PCCA: variants seen among roughly 807,000 people sequenced by gnomAD.
The protein encoded by PCCA is propionyl-CoA carboxylase subunit alpha.
In PCCA, 74 loss-of-function variants were observed where a neutral mutation model predicts 101.3. The ratio of observed to expected loss-of-function variants is 0.73; its 90% confidence interval spans 0.61 to 0.89. The LOEUF (loss-of-function observed/expected upper bound fraction) is 0.89, where lower values mean the gene tolerates loss of function less well. PCCA is among the 40% of genes least tolerant of loss of function. The probability of loss-of-function intolerance (pLI) is 0.00; values close to 1 mark genes in which losing one functional copy is unlikely to be tolerated. For missense variants in PCCA, 891 were observed against 907.0 expected, an observed-to-expected ratio of 0.98 and a Z score of 0.23; for synonymous variants, 294 against 313.6, an observed-to-expected ratio of 0.94 and a Z score of 0.66.
Position 100,278,843 on chromosome 13 carries a change from T to C in PCCA, c.1065+5497T>C, listed in dbSNP as rs560285395. ...CAAGACTATCTAAGTACCTATGTTT[T>C]GTGTATTGGATAGCTTGCTAGGAAA... On this transcript the variant is annotated intron_variant, in intron 12 of 23. Transcript: ENST00000376285. Among the ~76,000 whole-genome samples, 22 of 152,290 alleles carry C rather than the reference T, an allele frequency of 1.4e-4. No homozygotes were observed. In the East Asian group the frequency reaches 4.1e-3, roughly 28 times the overall value.
chr13:100,279,402 AT>A (rs1283728231), intron 12 of PCCA, among the ~76,000 whole-genome samples: 1 of 152,172 alleles, frequency 6.6e-6, no homozygotes, highest in Non-Finnish European at 1.5e-5. Flanking sequence ...TGAACAAAGA[AT>A]TTTGGACTTC....
chr13:100,278,322 T>A (rs1037403310), intron 12 of PCCA, among the ~76,000 whole-genome samples: 3 of 152,312 alleles, frequency 2.0e-5, no homozygotes, highest in African/African-American at 7.2e-5. Flanking sequence ...TGAGATTTTT[T>A]AATTGAGGTA....
At chr13:100,293,002 T>C (rs151242457) in intron 12 of PCCA, among the ~76,000 whole-genome samples, 1 of 151,468 alleles carries the variant, frequency 6.6e-6, no homozygotes, top group African/African-American at 2.4e-5. Flanking sequence ...GATGCTAGGT[T>C]TTTTTTTAGA....
intron 8 of PCCA, among the ~76,000 whole-genome samples, chr13:100,251,898 A>G (rs938496654): frequency 6.6e-6 from 1 of 152,172 alleles, no homozygotes; most frequent in African/African-American, 2.4e-5. Flanking sequence ...CTATCAAACA[A>G]CCACCCTGGG....
At chr13:100,153,572 A>T (rs1157501366) in intron 4 of PCCA, among the ~76,000 whole-genome samples, 2 of 152,178 alleles carry the variant, frequency 1.3e-5, no homozygotes, top group African/African-American at 4.8e-5. Flanking sequence ...ACAACAACAA[A>T]ATTGACAGTA....
At position 100,341,414 on chromosome 13, in the gene PCCA, C is replaced by A. The variant is rs118134728; in HGVS notation, c.1643+1155C>A. ...GCTTGTTGTTTGGTTGTTTCCCCCCCACATAGTTGTGCGGTCTAGTATGGG... is the reference window on the plus strand; with the variant it reads ...GCTTGTTGTTTGGTTGTTTCCCCCCAACATAGTTGTGCGGTCTAGTATGGG... On this transcript the variant is annotated intron_variant, in intron 18 of 23. Coordinates refer to ENST00000376285, the MANE Select transcript of PCCA (RefSeq NM_000282.4). 0.011 allele frequency among the ~76,000 whole-genome samples: 1,736 copies of A among 152,290 alleles called. 20 individuals are homozygous for A. Among genetic ancestry groups the A allele is most frequent in the Non-Finnish European group, 0.013 (915 of 68,018 alleles).
intron 7 of PCCA, among the ~76,000 whole-genome samples, chr13:100,228,161 G>T (rs1046323492): frequency 1.3e-5 from 2 of 152,002 alleles, no homozygotes; most frequent in African/African-American, 4.8e-5. Context: ...GATTAAAGGC[G>T]CATGCCACCA....
At chr13:100,370,808 A>G (rs1433682176) in intron 19 of PCCA, among the ~76,000 whole-genome samples, 1 of 152,154 alleles carries the variant, frequency 6.6e-6, no homozygotes, top group Non-Finnish European at 1.5e-5. Context: ...TTTTAGGGTC[A>G]TAGACGGGAG....
At chr13:100,111,440 C>T (rs997856567) in intron 2 of PCCA, among the ~76,000 whole-genome samples, 20 of 152,024 alleles carry the variant, frequency 1.3e-4, no homozygotes, top group African/African-American at 3.4e-4. Context: ...GGATTACAGG[C>T]GTGAGCCACT....
At chr13:100,452,780 T>C (rs2081426749) in intron 21 of PCCA, among the ~76,000 whole-genome samples, 1 of 152,234 alleles carries the variant, frequency 6.6e-6, no homozygotes, top group Non-Finnish European at 1.5e-5. Context: ...TCTGTTCTGC[T>C]CAGCGTGCTC....
chr13:100,357,861 G>A (rs1377432493), intron 18 of PCCA, among the ~76,000 whole-genome samples: 1 of 152,146 alleles, frequency 6.6e-6, no homozygotes, highest in Non-Finnish European at 1.5e-5. Flanking sequence ...GGCAGAAAGG[G>A]AGCAACAGAG....
At chr13:100,117,802 G>T (rs2152293430) in intron 4 of PCCA, among the ~76,000 whole-genome samples, 1 of 151,844 alleles carries the variant, frequency 6.6e-6, no homozygotes, top group Non-Finnish European at 1.5e-5. Flanking sequence ...GCATTAAAAA[G>T]AATCCCCTGG....
chr13:100,272,576 C>T (rs978846462), intron 11 of PCCA, among the ~76,000 whole-genome samples: 5 of 152,060 alleles, frequency 3.3e-5, no homozygotes, highest in Non-Finnish European at 7.3e-5. Context: ...CACACACACA[C>T]ACACAAATGC....
intron 4 of PCCA, among the ~76,000 whole-genome samples, chr13:100,128,855 A>G (rs1015345129): frequency 5.9e-5 from 9 of 152,170 alleles, no homozygotes; most frequent in African/African-American, 1.7e-4. Flanking sequence ...TGTCCCCTCT[A>G]CAGGAATCAC....
At chr13:100,503,959 T>C (rs1395712090) in intron 21 of PCCA, among the ~76,000 whole-genome samples, 1 of 152,212 alleles carries the variant, frequency 6.6e-6, no homozygotes, top group Non-Finnish European at 1.5e-5. Context: ...ATTTGTAGTA[T>C]ACATATATGT....
At chr13:100,250,125 G>A (rs991137928) in intron 8 of PCCA, among the ~76,000 whole-genome samples, 1 of 152,036 alleles carries the variant, frequency 6.6e-6, no homozygotes, top group Non-Finnish European at 1.5e-5. Context: ...GTTGTAAGAG[G>A]GGACATTCTT....
intron 16 of PCCA, among the ~76,000 whole-genome samples, chr13:100,316,198 G>A (rs970447560): frequency 6.6e-6 from 1 of 152,170 alleles, no homozygotes; most frequent in African/African-American, 2.4e-5. Flanking sequence ...GAAAGAAAAA[G>A]AGATAACGAT....
At chr13:100,419,469 CT>C (rs1319479046) in intron 19 of PCCA, among the ~76,000 whole-genome samples, 1 of 128,640 alleles carries the variant, frequency 7.8e-6, no homozygotes, top group African/African-American at 4.0e-5. Flanking sequence ...GAGACTTTGT[CT>C]CAAAAAAAAA....
At chr13:100,359,564 C>G (rs1372586187) in intron 18 of PCCA, among the ~76,000 whole-genome samples, 1 of 152,118 alleles carries the variant, frequency 6.6e-6, no homozygotes, top group East Asian at 1.9e-4. Flanking sequence ...ATTAAAGTTC[C>G]ACTTAACATA....
Sources: gnomAD v4.1 joint callset for allele counts (sites outside exome capture counted in the v4.1 genomes callset) on GRCh38, gnomAD v4.1.1 for gene constraint, MANE v1.5 for transcripts, NCBI Gene and HGNC (gene_info 2026-07-23, HGNC 2026-07-21) for gene names.